Variants in CNTN5 observed in about 807,000 individuals in gnomAD.
CNTN5 encodes contactin-5.
A neutral mutation model predicts 129.1 loss-of-function variants in CNTN5; 77 were observed. The observed-to-expected ratio is 0.60, with a 90% CI of 0.50 to 0.72. The LOEUF is 0.72. CNTN5 is among the 30% of genes least tolerant of loss of function. The pLI is 0.00. For synonymous variants in CNTN5, 509 were observed against 465.6 expected, an observed-to-expected ratio of 1.09 and a Z score of -1.20; for missense variants, 1,478 against 1,328.8, an observed-to-expected ratio of 1.11 and a Z score of -1.75.
chr11:99,223,484 A>T (rs1020264556), intron 1 of CNTN5, among the ~76,000 whole-genome samples: 2 of 152,132 alleles, frequency 1.3e-5, no homozygotes, highest in Non-Finnish European at 2.9e-5. Flanking sequence ...TTTTTCCTAA[A>T]GTCAGTAGTA....
At chr11:99,178,316 AC>A (rs1857878945) in intron 1 of CNTN5, among the ~76,000 whole-genome samples, 3 of 7,692 alleles carry the variant, frequency 3.9e-4, no homozygotes, top group Non-Finnish European at 7.8e-4. Context: ...CCTCATCTCC[AC>A]ACACACACAC....
At chr11:99,682,587 C>T (rs1194627149) in intron 3 of CNTN5, among the ~76,000 whole-genome samples, 4 of 151,732 alleles carry the variant, frequency 2.6e-5, no homozygotes, top group Non-Finnish European at 2.9e-5. Flanking sequence ...AGAAAGTATA[C>T]CAAAAAATGA....
chr11:99,039,607 A>C (rs148469991), intron 1 of CNTN5, among the ~76,000 whole-genome samples: 1 of 152,288 alleles, frequency 6.6e-6, no homozygotes, highest in Non-Finnish European at 1.5e-5. Context: ...AGCTGGAGTC[A>C]CGTACATTTC....
chr11:99,546,205 T>A (rs1017136456), intron 2 of CNTN5, among the ~76,000 whole-genome samples: 1 of 152,206 alleles, frequency 6.6e-6, no homozygotes, highest in African/African-American at 2.4e-5. Flanking sequence ...TGATAAGATC[T>A]ATAAATTTGG....
At chr11:99,491,760 T>G (rs7109406) in intron 2 of CNTN5, among the ~76,000 whole-genome samples, 44,865 of 152,060 alleles carry the variant, frequency 0.3, 6,982 homozygotes, top group East Asian at 0.43. Flanking sequence ...TACATTTTGC[T>G]TTCATGTGCC....
chr11:99,621,115 G>C (rs60791968), intron 3 of CNTN5, among the ~76,000 whole-genome samples: 8,172 of 152,130 alleles, frequency 0.054, 238 homozygotes, highest in South Asian at 0.086. Context: ...TATTGTAAGG[G>C]CCCTGATAGG....
chr11:99,650,813 T>C (rs1199180550), intron 3 of CNTN5, among the ~76,000 whole-genome samples: 1 of 152,048 alleles, frequency 6.6e-6, no homozygotes, highest in Middle Eastern at 3.4e-3. Context: ...ATGGGGTACA[T>C]GGTGATGCTT....
chr11:99,653,415 TA>T (rs1369776143), intron 3 of CNTN5, among the ~76,000 whole-genome samples: 1 of 151,994 alleles, frequency 6.6e-6, no homozygotes, highest in Non-Finnish European at 1.5e-5. Flanking sequence ...AGTCAACTAA[TA>T]AAAATTTTAC....
intron 1 of CNTN5, among the ~76,000 whole-genome samples, chr11:99,228,204 A>G (rs948463667): frequency 1.3e-5 from 2 of 152,114 alleles, no homozygotes; most frequent in Admixed American, 1.3e-4. Context: ...ATTATTTTAT[A>G]TAGATGTATT....
chr11:99,127,342 A>G (rs1858692057), intron 1 of CNTN5, among the ~76,000 whole-genome samples: 1 of 152,164 alleles, frequency 6.6e-6, no homozygotes. Context: ...ACAAACCTGG[A>G]TGTCATCTGT....
Position 100,193,518 on chromosome 11 carries a change from G to T in CNTN5, c.1739G>T (p.Arg580Ile), listed in dbSNP as rs192113012. Residue 580 changes from arginine to isoleucine, a missense_variant, in exon 15 of 25, where the codon AGA becomes ATA. By Grantham distance (97) the Arg-to-Ile change is moderately conservative. Coordinates refer to ENST00000524871, the MANE Select transcript of CNTN5 (RefSeq NM_014361.4). ...ACAAGGATAGAACTTACTCCTAAAA[G>T]AACAGAATTGACAGTGGGAGAAAGC... is the stretch of plus-strand genomic sequence containing the variant. ...EPTRIELTPKRTELTVGESIV... is the reference protein window; with the variant it reads ...EPTRIELTPKITELTVGESIV... The T allele has an allele frequency of 4.4e-6, 7 of 1,605,296 alleles. No individual in the cohort carries two copies. The Admixed American group carries it at 6.8e-5, about 16-fold the overall frequency.
chr11:99,838,062 G>T (rs903143539), intron 4 of CNTN5, among the ~76,000 whole-genome samples: 4 of 152,054 alleles, frequency 2.6e-5, no homozygotes, highest in Non-Finnish European at 5.9e-5. Flanking sequence ...GTAACTACCA[G>T]AAAATCTTGA....
intron 16 of CNTN5, among the ~76,000 whole-genome samples, chr11:100,236,687 G>C (rs1301071616): frequency 6.6e-6 from 1 of 152,030 alleles, no homozygotes; most frequent in Admixed American, 6.5e-5. Flanking sequence ...GACTGTAGCT[G>C]CCTTTCCTCT....
chr11:99,895,986 T>G (rs1230489778), intron 6 of CNTN5, among the ~76,000 whole-genome samples: 1 of 152,168 alleles, frequency 6.6e-6, no homozygotes, highest in Non-Finnish European at 1.5e-5. Context: ...CTCACTGGCT[T>G]GGGTCCCCAG....
chr11:99,098,291 A>G (rs1866568377), intron 1 of CNTN5, among the ~76,000 whole-genome samples: 3 of 152,096 alleles, frequency 2.0e-5, no homozygotes, highest in Non-Finnish European at 2.9e-5. Flanking sequence ...GGCATATGGT[A>G]TTATTCCTGA....
chr11:100,345,073 G>C (rs186467321), intron 23 of CNTN5, among the ~76,000 whole-genome samples: 7 of 152,178 alleles, frequency 4.6e-5, no homozygotes, highest in Admixed American at 4.6e-4. Context: ...GTCCAAGAAA[G>C]CACTGTCTTA....
intron 3 of CNTN5, among the ~76,000 whole-genome samples, chr11:99,601,719 T>C (rs1259736580): frequency 6.6e-6 from 1 of 152,200 alleles, no homozygotes; most frequent in East Asian, 1.9e-4. Context: ...TCCCACCTCA[T>C]CTCTGTTCTC....
chr11:99,758,841 A>G (rs1944486250), intron 3 of CNTN5, among the ~76,000 whole-genome samples: 1 of 152,098 alleles, frequency 6.6e-6, no homozygotes, highest in South Asian at 2.1e-4. Flanking sequence ...AATTCATAGT[A>G]TAAGATTAAA....
chr11:99,703,329 T>G lies in CNTN5; in HGVS notation c.56-116215T>G, dbSNP rs147163810. Among the ~76,000 whole-genome samples the G allele has an allele frequency of 2.0e-5, 3 of 149,500 alleles. No homozygotes were observed. The East Asian group carries it at 5.9e-4, about 30-fold the overall frequency. ...CAGATTAAATTATCTAGAGGTTGAGTTTTGTTAAGTTTCTTTCACTTCTTA... is the reference window on the plus strand; with the variant it reads ...CAGATTAAATTATCTAGAGGTTGAGGTTTGTTAAGTTTCTTTCACTTCTTA... On this transcript the variant is annotated intron_variant, in intron 3 of 24. Coordinates refer to ENST00000524871, the MANE Select transcript of CNTN5 (RefSeq NM_014361.4).
Sources: allele counts gnomAD v4.1 joint callset (sites outside exome capture counted in the v4.1 genomes callset), GRCh38; gene constraint gnomAD v4.1.1; transcripts MANE v1.5; gene names NCBI Gene and HGNC (gene_info 2026-07-23, HGNC 2026-07-21).